CDKL2: variants seen among roughly 807,000 people sequenced by gnomAD.
CDKL2 encodes cyclin-dependent kinase-like 2.
A neutral mutation model predicts 63.9 loss-of-function variants in CDKL2; 64 were observed. That is an observed-to-expected ratio of 1.00 (90% CI 0.82 to 1.23). The LOEUF is 1.23. Ranked by LOEUF, CDKL2 falls within the 50% of genes most tolerant of loss-of-function variation. CDKL2 has a pLI of 0.00. For synonymous variants in CDKL2, 211 were observed against 229.2 expected (o/e 0.92, Z 0.72); for missense variants, 656 against 668.0 (o/e 0.98, Z 0.20).
intron 12 of CDKL2, among the ~76,000 whole-genome samples, chr4:75,586,875 CA>C (rs1728502582): frequency 6.6e-6 from 1 of 151,576 alleles, no homozygotes; most frequent in South Asian, 2.1e-4. Flanking sequence ...CAAAACAAAA[CA>C]AAAAACAAAA....
intron 12 of CDKL2, among the ~76,000 whole-genome samples, chr4:75,590,507 G>C (rs749403952): frequency 2.0e-5 from 3 of 152,152 alleles, no homozygotes; most frequent in Non-Finnish European, 4.4e-5. Flanking sequence ...TTGAGGTCAG[G>C]AGTTCAAGAC....
chr4:75,629,369 C>G (rs1271738328), intron 1 of CDKL2, among the ~76,000 whole-genome samples: 1 of 152,218 alleles, frequency 6.6e-6, no homozygotes, highest in African/African-American at 2.4e-5. Flanking sequence ...ATTCTCCCAA[C>G]CAATTGCATA....
chr4:75,598,246 A>C, intron 7 of CDKL2, 34 bp from the exon 8 acceptor site: 1 of 1,206,202 alleles, frequency 8.3e-7, no homozygotes, highest in Non-Finnish European at 1.1e-6. Flanking sequence ...AAATTGTAAG[A>C]CATGGATAAA....
intron 12 of CDKL2, among the ~76,000 whole-genome samples, chr4:75,584,917 T>C (rs1465446124): frequency 2.0e-5 from 3 of 152,154 alleles, no homozygotes; most frequent in East Asian, 1.9e-4. Flanking sequence ...AGCAAAACTA[T>C]AGATAAGGGG....
chr4:75,611,458 CAAAAAAAAAAA>C (rs71203834), intron 3 of CDKL2, among the ~76,000 whole-genome samples: 5 of 76,732 alleles, frequency 6.5e-5, no homozygotes, highest in Admixed American at 1.6e-4. Context: ...GATTCTGTCT[CAAAAAAAAAAA>C]AAAAAAAAAA....
intron 6 of CDKL2, 125 bp downstream of exon 6, chr4:75,603,692 G>T: frequency 1.5e-6 from 1 of 677,780 alleles, no homozygotes; most frequent in Non-Finnish European, 2.3e-6. Flanking sequence ...TCCAGCCTGT[G>T]TGACAGAGCA....
At chr4:75,588,127 T>A (rs1266748012) in intron 12 of CDKL2, among the ~76,000 whole-genome samples, 1 of 149,156 alleles carries the variant, frequency 6.7e-6, no homozygotes, top group Admixed American at 6.8e-5. Context: ...GGCAGGAGAA[T>A]CACTTGAACC....
At chr4:75,618,016 G>A (rs1277116959) in intron 2 of CDKL2, among the ~76,000 whole-genome samples, 6 of 147,954 alleles carry the variant, frequency 4.1e-5, no homozygotes, top group East Asian at 4.2e-4. Flanking sequence ...CATGAGAATC[G>A]CTTGAACCCA....
chr4:75,590,071 G>A (rs1294217310), intron 12 of CDKL2, among the ~76,000 whole-genome samples: 1 of 152,162 alleles, frequency 6.6e-6, no homozygotes, highest in East Asian at 1.9e-4. Context: ...GGAAGCTGAG[G>A]TGGGAAGATT....
At chr4:75,600,923 C>T (rs902536075) in intron 6 of CDKL2, among the ~76,000 whole-genome samples, 1 of 152,150 alleles carries the variant, frequency 6.6e-6, no homozygotes, top group African/African-American at 2.4e-5. Context: ...AAAAATCAAC[C>T]TGATTCTGAT....
At chr4:75,612,095 C>G (rs1189220559) in intron 3 of CDKL2, among the ~76,000 whole-genome samples, 1 of 152,046 alleles carries the variant, frequency 6.6e-6, no homozygotes, top group Non-Finnish European at 1.5e-5. Context: ...CTCAGCCTCC[C>G]AAGCAGCTGG....
At chr4:75,605,152 G>A (rs547051101) in intron 5 of CDKL2, among the ~76,000 whole-genome samples, 131 of 152,290 alleles carry the variant, frequency 8.6e-4, no homozygotes, top group Non-Finnish European at 1.4e-3. Context: ...TCAGGAGTTC[G>A]AGTCCAGACT....
chr4:75,609,007 A>G (rs995572193), intron 3 of CDKL2, among the ~76,000 whole-genome samples: 14 of 151,634 alleles, frequency 9.2e-5, no homozygotes, highest in East Asian at 7.7e-4. Context: ...AAAAAAAAAA[A>G]AAAAGAAAAG....
At position 75,609,904 on chromosome 4, in the gene CDKL2, T is replaced by C. The variant is rs913561215; in HGVS notation, c.364-2543A>G. On this transcript the variant is annotated intron_variant, in intron 3 of 13. Coordinates refer to ENST00000307465, the MANE Select transcript of CDKL2 (RefSeq NM_001330724.2). ...CAGTCTCAGACCACCTGTGCTGTAG[T>C]AGAAAGAGCTAAACTGGGGCCGGGT... 7.9e-5 allele frequency among the ~76,000 whole-genome samples: 12 copies of C among 151,390 alleles called. 1 individual carries two copies. The highest frequency in any genetic ancestry group is 2.9e-4 in the African/African-American group (12 of 41,268).
chr4:75,587,962 C>T (rs1371387418), intron 12 of CDKL2, among the ~76,000 whole-genome samples: 2 of 150,668 alleles, frequency 1.3e-5, no homozygotes, highest in East Asian at 2.0e-4. Flanking sequence ...CACCTGTAAT[C>T]CCAGCACTTT....
intron 3 of CDKL2, 29 bp downstream of exon 3, chr4:75,614,225 TA>T: frequency 7.1e-7 from 1 of 1,405,856 alleles, no homozygotes; most frequent in Non-Finnish European, 9.9e-7. Context: ...AAATATGTGA[TA>T]AAGCAAATTA....
intron 1 of CDKL2, among the ~76,000 whole-genome samples, chr4:75,629,435 A>G (rs1249939707): frequency 6.6e-6 from 1 of 152,216 alleles, no homozygotes; most frequent in Non-Finnish European, 1.5e-5. Context: ...GTCCACAAAT[A>G]CTTTAAAAGT....
chr4:75,627,523 G>A, intron 1 of CDKL2, among the ~76,000 whole-genome samples: 1 of 151,900 alleles, frequency 6.6e-6, no homozygotes, highest in East Asian at 1.9e-4. Flanking sequence ...CACCCACCTT[G>A]GCCTCCCAAA....
chr4:75,603,725 AAAAG>A, intron 6 of CDKL2, 88 bp downstream of exon 6: 1 of 792,072 alleles, frequency 1.3e-6, no homozygotes, highest in South Asian at 2.0e-5. Flanking sequence ...AAAAAAAAAA[AAAAG>A]ATCAACTAGA....
Sources: allele counts gnomAD v4.1 joint callset (sites outside exome capture counted in the v4.1 genomes callset), GRCh38; gene constraint gnomAD v4.1.1; transcripts MANE v1.5; gene names NCBI Gene and HGNC (gene_info 2026-07-23, HGNC 2026-07-21).